The following PRPH2 variants were observed in gnomAD, a reference collection of about 807,000 sequenced individuals.
PRPH2 encodes the protein peripherin 2.
Under a neutral mutation model 31.3 loss-of-function variants are expected in PRPH2, and 17 were observed. The ratio of observed to expected loss-of-function variants is 0.54; its 90% CI spans 0.37 to 0.81. The LOEUF is 0.81. PRPH2 is among the 40% of genes least tolerant of loss of function. The probability of loss-of-function intolerance (pLI) is 0.00; values close to 1 mark genes in which losing one functional copy is unlikely to be tolerated. For missense variants in PRPH2, 430 were observed against 439.7 expected (o/e 0.98, Z 0.20); for synonymous variants, 165 against 184.4 (o/e 0.89, Z 0.85).
chr6:42,715,622 GATCGTGCCACTGC>G (rs1247163816), intron 1 of PRPH2, among the ~76,000 whole-genome samples: 1 of 152,176 alleles, frequency 6.6e-6, no homozygotes, highest in African/African-American at 2.4e-5. Context: ...AGCAAGCTGA[GATCGTGCCACTGC>G]ACTTCAGCCT....
chr6:42,719,567 CTTT>C (rs35810763), intron 1 of PRPH2, among the ~76,000 whole-genome samples: 4 of 111,050 alleles, frequency 3.6e-5, no homozygotes, highest in Non-Finnish European at 3.6e-5. Flanking sequence ...ACTAAATTGT[CTTT>C]TTTTTTTTTT....
rs1161769235 is a variant in PRPH2 at position 42,716,962 on chromosome 6, CTTTT to C, written c.581+4788_581+4791del. ...TTCTTTTCTTTTCTTTCTTTCTTTTCTTTTTTTTTTTTTTTTTTTTTTTTGGTAG... is the reference window on the plus strand; with the variant it reads ...TTCTTTTCTTTTCTTTCTTTCTTTTCTTTTTTTTTTTTTTTTTTTTGGTAG... On this transcript the variant is annotated intron_variant, in intron 1 of 2. Coordinates refer to ENST00000230381, the MANE Select transcript of PRPH2 (RefSeq NM_000322.5). Among the ~76,000 whole-genome samples, 14 of 45,210 alleles carry C rather than the reference CTTTT, an allele frequency of 3.1e-4. No homozygotes were observed. The South Asian group carries it at 7.0e-3, about 23-fold the overall frequency. The allele number at this position is 45,210 out of a possible 152,430, so 29.7% of individuals were successfully genotyped here.
rs1800117573 is a variant in PRPH2 at position 42,704,586 on chromosome 6, G to T, written c.607C>A (p.Arg203=). The part of the protein sequence containing the change: ...KDRIKSNVDG[R]YLVDGVPFSC... ...AAAGGGACGCCGTCCACCAGGTACCGCCCATCCACGTTGCTCTTGATTCGA... is the reference window on the plus strand; with the variant it reads ...AAAGGGACGCCGTCCACCAGGTACCTCCCATCCACGTTGCTCTTGATTCGA... Residue 203 remains arginine (R), a synonymous_variant, in exon 2 of 3, where the codon CGG becomes AGG. Transcript: ENST00000230381. 1 of 1,614,162 alleles carries T rather than the reference G, an allele frequency of 6.2e-7. No individual in the cohort carries two copies. The highest frequency in any genetic ancestry group is 1.1e-5 in the South Asian group (1 of 91,084).
rs1039760665 is a variant in PRPH2, at chr6:42,704,590, A to G, written c.603T>C (p.Asp201=). 1.9e-6 allele frequency: 3 copies of G among 1,614,182 alleles called. No homozygotes were observed. Among genetic ancestry groups the G allele is most frequent in the Non-Finnish European group, 2.5e-6 (3 of 1,180,032 alleles). The change falls in exon 2 of 3, where the codon GAT becomes GAC. Residue 201 remains aspartate (D), a synonymous_variant. Transcript: ENST00000230381. ...GGACGCCGTCCACCAGGTACCGCCC[A>G]TCCACGTTGCTCTTGATTCGACTTA... ...EVKDRIKSNV[D]GRYLVDGVPF... is the part of the protein sequence containing the mutation.
intron 1 of PRPH2, among the ~76,000 whole-genome samples, chr6:42,717,658 A>G (rs1209112805): frequency 6.6e-6 from 1 of 152,234 alleles, no homozygotes; most frequent in Non-Finnish European, 1.5e-5. Context: ...CCATGAAAAC[A>G]TGAACAGAAA....
intron 1 of PRPH2, among the ~76,000 whole-genome samples, chr6:42,705,365 A>G (rs933586383): frequency 6.6e-6 from 1 of 151,562 alleles, no homozygotes; most frequent in Non-Finnish European, 1.5e-5. Context: ...GGTATGTTCT[A>G]CCTGGCCTGG....
chr6:42,711,900 C>G (rs1761653779), intron 1 of PRPH2: 1 of 985,364 alleles, frequency 1.0e-6, no homozygotes, highest in Non-Finnish European at 1.2e-6. Context: ...CATGTTCTAC[C>G]TCTCACCCCA....
rs2152011226 is a variant in PRPH2, at chr6:42,722,460, C to T, written c.-126G>A. ...ATGGCCCAAGCTGTAGGGAGCTGCCCTGGGGGCTACCCATGTCGAGTCCCA... is the reference window on the plus strand; with the variant it reads ...ATGGCCCAAGCTGTAGGGAGCTGCCTTGGGGGCTACCCATGTCGAGTCCCA... On this transcript the variant is annotated 5_prime_UTR_variant, in exon 1 of 3. Transcript: ENST00000230381. The surrounding 1 kb of genome is among the most constrained non-coding windows in gnomAD (Gnocchi z 4.4). 4 of 1,533,142 alleles carry T rather than the reference C, an allele frequency of 2.6e-6. No individual in the cohort carries two copies. Among genetic ancestry groups the T allele is most frequent in the South Asian group, 1.2e-5 (1 of 83,558 alleles). 95.0% of individuals were successfully genotyped at this position (1,533,142 alleles called of 1,614,324 possible). A position where few individuals can be genotyped will look rare whatever the true frequency, so the allele number is the denominator to read the frequency against.
At chr6:42,713,980 G>A (rs1582773364) in intron 1 of PRPH2, among the ~76,000 whole-genome samples, 1 of 133,728 alleles carries the variant, frequency 7.5e-6, no homozygotes, top group South Asian at 2.6e-4. Context: ...AGGGAGAAAA[G>A]CAAGACTTCC....
intron 2 of PRPH2, 123 bp downstream of exon 2, chr6:42,704,242 G>C (rs1800105476): frequency 3.8e-6 from 5 of 1,325,010 alleles, no homozygotes; most frequent in Non-Finnish European, 4.2e-6. Context: ...CTGACCCACA[G>C]CTCCACTGAA....
At chr6:42,710,772 C>A (rs1334928365) in intron 1 of PRPH2, among the ~76,000 whole-genome samples, 1 of 152,164 alleles carries the variant, frequency 6.6e-6, no homozygotes, top group Non-Finnish European at 1.5e-5. Context: ...TCCAGAAAAA[C>A]CAACATAATT....
intron 2 of PRPH2, among the ~76,000 whole-genome samples, chr6:42,703,144 C>A (rs375383600): frequency 6.8e-6 from 1 of 147,498 alleles, no homozygotes; most frequent in Non-Finnish European, 1.5e-5. Flanking sequence ...CAGTGAGCTA[C>A]GATCATGCCC....
rs200009675 is a variant in PRPH2, at chr6:42,722,023, G to A, written c.312C>T (p.Ile104=). 2.8e-5 allele frequency: 45 copies of A among 1,614,154 alleles called. No homozygotes were observed. The East Asian group carries it at 9.4e-4, about 34-fold the overall frequency. The change falls in exon 1 of 3, where the codon ATC becomes ATT. Residue 104 remains isoleucine, a synonymous_variant. Transcript: ENST00000230381. The surrounding 1 kb of genome is among the most constrained non-coding windows in gnomAD (Gnocchi z 4.4). The part of the protein sequence containing the change: ...WKPWLKPYLA[I]CVLFNIILFL... ...AGAGGATGATGTTGAAGAGAACACA[G>A]ATAGCCAGGTACGGCTTCAGCCAGG...
At position 42,697,811 on chromosome 6, in the gene PRPH2, A is replaced by T. The variant is rs1582758944; in HGVS notation, c.*484T>A. ...CGGCCAACCTGTCAATCTTGGCATT[A>T]AAAAAAAAAAAAAAAGACAACATGG... On this transcript the variant is annotated 3_prime_UTR_variant, in exon 3 of 3. Transcript: ENST00000230381. 1 of 9,280 alleles carries T rather than the reference A, an allele frequency of 1.1e-4. No homozygotes were observed. Among genetic ancestry groups the T allele is most frequent in the Non-Finnish European group, 3.7e-4 (1 of 2,718 alleles). The allele number at this position is 9,280 out of a possible 1,614,324, so 0.6% of individuals were successfully genotyped here.
chr6:42,709,066 C>T (rs1396481371), intron 1 of PRPH2, among the ~76,000 whole-genome samples: 2 of 151,932 alleles, frequency 1.3e-5, no homozygotes, highest in Non-Finnish European at 2.9e-5. Context: ...CGCGGTGGCT[C>T]ACGCCTGTAA....
chr6:42,722,214 G>T lies in PRPH2; in HGVS notation c.121C>A (p.Leu41Met), dbSNP rs1326692133. The change falls in exon 1 of 3, where the codon CTG becomes ATG. Residue 41 changes from leucine (L) to methionine (M), a missense_variant. Transcript: ENST00000230381. This position sits in a 1 kb window ranked among gnomAD's most constrained non-coding sequence, Gnocchi z 4.4. ...GIIIFSLGLF[L>M]KIELRKRSDV... ...CTCCTCTTTCGGAGTTCAATCTTCAGGAACAGTCCTAGGCTGAAGATGATG... is the reference window on the plus strand; with the variant it reads ...CTCCTCTTTCGGAGTTCAATCTTCATGAACAGTCCTAGGCTGAAGATGATG... 1 of 1,614,048 alleles carries T rather than the reference G, an allele frequency of 6.2e-7. No individual in the cohort carries two copies.
At chr6:42,715,821 C>T (rs1176030791) in intron 1 of PRPH2, among the ~76,000 whole-genome samples, 5 of 152,262 alleles carry the variant, frequency 3.3e-5, no homozygotes, top group South Asian at 4.2e-4. Flanking sequence ...AAAACCTGCC[C>T]GCCCCTCCAT....
chr6:42,716,554 C>A (rs945834463), intron 1 of PRPH2, among the ~76,000 whole-genome samples: 26 of 151,258 alleles, frequency 1.7e-4, no homozygotes, highest in African/African-American at 6.1e-4. Context: ...GTAGCAGGGA[C>A]CACAGGTGCA....
intron 1 of PRPH2, among the ~76,000 whole-genome samples, chr6:42,716,197 G>A (rs1054244030): frequency 3.3e-5 from 5 of 152,024 alleles, no homozygotes; most frequent in African/African-American, 1.2e-4. Flanking sequence ...AGGTCAAGTA[G>A]GAGAAAGAGG....
Sources: allele counts gnomAD v4.1 joint callset (sites outside exome capture counted in the v4.1 genomes callset), GRCh38; gene constraint gnomAD v4.1.1; non-coding constraint Gnocchi (gnomAD v3.1); transcripts MANE v1.5; gene names NCBI Gene and HGNC (gene_info 2026-07-23, HGNC 2026-07-21).